CASC3: variants seen among roughly 807,000 people sequenced by gnomAD.
The protein encoded by CASC3 is protein CASC3.
Under a neutral mutation model 80.5 loss-of-function variants are expected in CASC3, and 30 were observed. The observed-to-expected ratio is 0.37, with a 90% confidence interval of 0.28 to 0.51. The LOEUF (loss-of-function observed/expected upper bound fraction) is 0.51. CASC3 is among the 20% of genes least tolerant of loss of function. CASC3 has a pLI of 0.94. For missense variants in CASC3, 824 were observed against 922.2 expected, an observed-to-expected ratio of 0.89 and a Z score of 1.38; for synonymous variants, 312 against 333.6, an observed-to-expected ratio of 0.94 and a Z score of 0.70.
Position 40,170,859 on chromosome 17 carries a change from C to G in CASC3, c.*454C>G. On this transcript the variant is annotated 3_prime_UTR_variant, in exon 14 of 14. Coordinates refer to ENST00000264645, the MANE Select transcript of CASC3 (RefSeq NM_007359.5). ...TAATTTTTTCTCTTTGTTTCTGTTT[C>G]TTGCTCTCTCTCCCTGCCTTTAAAT... is the stretch of plus-strand genomic sequence containing the variant. 1.0e-6 allele frequency: 1 copy of G among 985,096 alleles called. No individual in the cohort carries two copies. The allele number at this position is 985,096 out of a possible 1,614,324, so 61.0% of individuals were successfully genotyped here. A position where few individuals can be genotyped will look rare whatever the true frequency, so the allele number is the denominator to read the frequency against.
Position 40,170,498 on chromosome 17 carries a change from A to G in CASC3, c.*93A>G, listed in dbSNP as rs1989566664. 1.0e-6 allele frequency: 1 copy of G among 985,594 alleles called. No homozygotes were observed. Among genetic ancestry groups the G allele is most frequent in the Non-Finnish European group, 1.2e-6 (1 of 829,958 alleles). 61.1% of individuals were successfully genotyped at this position (985,594 alleles called of 1,614,324 possible). A position where few individuals can be genotyped will look rare whatever the true frequency, so the allele number is the denominator to read the frequency against. On this transcript the variant is annotated 3_prime_UTR_variant, in exon 14 of 14. Transcript: ENST00000264645. ...GAAATACAGCTGGCTATCTACTACC[A>G]GAAGGGCTTCAAAGATATAGGGTGT...
At chr17:40,169,739 ATGCTTTTT>A in intron 13 of CASC3, 77 bp downstream of exon 13, 1 of 219,078 alleles carries the variant, frequency 4.6e-6, no homozygotes, top group Non-Finnish European at 8.0e-6. Context: ...CACTTAATTA[ATGCTTTTT>A]TTTTTTTTTT....
At chr17:40,143,436 ACT>A (rs1395399348) in intron 3 of CASC3, among the ~76,000 whole-genome samples, 2 of 151,670 alleles carry the variant, frequency 1.3e-5, no homozygotes, top group African/African-American at 4.9e-5. Flanking sequence ...ACAGAGCAAG[ACT>A]CTTGTCTCAG....
intron 3 of CASC3, among the ~76,000 whole-genome samples, chr17:40,141,828 C>T (rs1021728633): frequency 6.6e-6 from 1 of 152,184 alleles, no homozygotes; most frequent in Admixed American, 6.5e-5. Flanking sequence ...TGTTAGTTGG[C>T]TTCTCTTCCT....
At position 40,163,707 on chromosome 17, in the gene CASC3, C is replaced by T. The variant is rs201645449; in HGVS notation, c.1012C>T (p.Arg338Trp). 1.3e-5 allele frequency: 21 copies of T among 1,614,080 alleles called. No homozygotes were observed. The East Asian group carries it at 3.1e-4, about 24-fold the overall frequency. The change falls in exon 7 of 14, where the codon CGG becomes TGG. Residue 338 changes from arginine to tryptophan, a missense_variant. Physicochemically the swap from Arg to Trp is moderately radical, Grantham distance 101. Coordinates refer to ENST00000264645, the MANE Select transcript of CASC3 (RefSeq NM_007359.5). ...GGAAGCTGGTGGGCAGCATGGTGGC[C>T]GGTCTGGTGAGACTGTTAAGCATGA... ...PVEAGGQHGG[R>W]SGETVKHEIS...
rs777883693 is a variant in CASC3, at chr17:40,163,911, C to A, written c.1216C>A (p.Arg406=). Residue 406 remains arginine, a synonymous_variant, in exon 7 of 14, where the codon CGG becomes AGG. Coordinates refer to ENST00000264645, the MANE Select transcript of CASC3 (RefSeq NM_007359.5). The part of the protein sequence containing the change: ...DRPIEKKSYS[R]ARRTRTKVGD... Reference sequence around the variant, plus strand: ...GCCCATTGAGAAGAAATCCTATTCCCGGGCAAGAAGAACTCGAACCAAAGT... The same window carrying A: ...GCCCATTGAGAAGAAATCCTATTCCAGGGCAAGAAGAACTCGAACCAAAGT... 1.6e-5 allele frequency: 26 copies of A among 1,613,900 alleles called. No homozygotes were observed. Among genetic ancestry groups the A allele is most frequent in the Non-Finnish European group, 2.1e-5 (25 of 1,180,012 alleles).
intron 3 of CASC3, 27 bp downstream of exon 3, chr17:40,141,634 G>A (rs750200255): frequency 6.3e-7 from 1 of 1,587,702 alleles, no homozygotes; most frequent in Admixed American, 1.7e-5. Context: ...TTTTCCTATG[G>A]TATAGATCAG....
chr17:40,154,383 G>A (rs1201306239), intron 3 of CASC3, among the ~76,000 whole-genome samples: 2 of 151,732 alleles, frequency 1.3e-5, no homozygotes, highest in South Asian at 2.1e-4. Flanking sequence ...ACAGGTGTGC[G>A]CTGCCATGCC....
chr17:40,144,033 C>A lies in CASC3; in HGVS notation c.297+2426C>A, dbSNP rs960883078. On this transcript the variant is annotated intron_variant, in intron 3 of 13. Transcript: ENST00000264645. ...TTGGGAGGCCGAGGCGGGTGAATCA[C>A]CTGCGGTCAGGAGTTCGAGACTAGC... is the stretch of plus-strand genomic sequence containing the variant. Among the ~76,000 whole-genome samples, 17 of 152,026 alleles carry A rather than the reference C, an allele frequency of 1.1e-4. No individual in the cohort carries two copies. In the East Asian group the frequency reaches 3.3e-3, roughly 30 times the overall value.
intron 3 of CASC3, among the ~76,000 whole-genome samples, chr17:40,150,680 TAAGGA>T (rs1988980743): frequency 1.3e-5 from 2 of 151,890 alleles, no homozygotes; most frequent in Non-Finnish European, 2.9e-5. Context: ...GACGAGACAG[TAAGGA>T]AACAACTAGG....
chr17:40,157,571 A>T (rs1324056715), intron 3 of CASC3, among the ~76,000 whole-genome samples: 1 of 152,034 alleles, frequency 6.6e-6, no homozygotes, highest in African/African-American at 2.4e-5. Context: ...GCTACTCAGG[A>T]GGCTGAGGCA....
intron 3 of CASC3, among the ~76,000 whole-genome samples, chr17:40,141,994 C>T (rs971296321): frequency 6.6e-6 from 1 of 152,106 alleles, no homozygotes; most frequent in African/African-American, 2.4e-5. Context: ...GGGTAGGATT[C>T]GGAATGTTTT....
At chr17:40,143,315 G>A (rs938836581) in intron 3 of CASC3, among the ~76,000 whole-genome samples, 4 of 151,828 alleles carry the variant, frequency 2.6e-5, no homozygotes, top group African/African-American at 7.3e-5. Flanking sequence ...TCATGGTCCC[G>A]CATGCCTGTA....
chr17:40,166,947 T>A, intron 8 of CASC3, 86 bp downstream of exon 8: 4 of 973,278 alleles, frequency 4.1e-6, no homozygotes, highest in Non-Finnish European at 6.1e-6. Flanking sequence ...AGGTCTTTTT[T>A]TTTTTTCTTT....
chr17:40,144,860 A>C (rs1598419905), intron 3 of CASC3, among the ~76,000 whole-genome samples: 2 of 141,264 alleles, frequency 1.4e-5, no homozygotes, highest in South Asian at 4.5e-4. Context: ...AAAAAAATTA[A>C]GTTTTTTTTT....
intron 3 of CASC3, among the ~76,000 whole-genome samples, chr17:40,161,104 C>G (rs1013076511): frequency 6.6e-6 from 1 of 151,850 alleles, no homozygotes; most frequent in Non-Finnish European, 1.5e-5. Flanking sequence ...CTCAGCCTCC[C>G]GAGCAGCTGG....
chr17:40,151,342 G>A (rs1393994839), intron 3 of CASC3, among the ~76,000 whole-genome samples: 1 of 152,076 alleles, frequency 6.6e-6, no homozygotes, highest in Non-Finnish European at 1.5e-5. Flanking sequence ...CTCCCGGATA[G>A]CTGAGGTTAC....
chr17:40,164,698 G>T (rs1182104716), intron 7 of CASC3, among the ~76,000 whole-genome samples: 1 of 147,782 alleles, frequency 6.8e-6, no homozygotes, highest in Non-Finnish European at 1.5e-5. Context: ...TCCCACCTTG[G>T]CTTCCCAAAG....
At chr17:40,166,748 C>A in intron 7 of CASC3, 49 bp from the exon 8 acceptor site, 1 of 1,277,994 alleles carries the variant, frequency 7.8e-7, no homozygotes. Context: ...CTTTGAGTCC[C>A]ACTCACGTAT....
Sources: allele counts gnomAD v4.1 joint callset (sites outside exome capture counted in the v4.1 genomes callset), GRCh38; gene constraint gnomAD v4.1.1; transcripts MANE v1.5; gene names NCBI Gene and HGNC (gene_info 2026-07-23, HGNC 2026-07-21).